ANK2: variants seen among roughly 807,000 people sequenced by gnomAD.
ANK2 encodes the protein ankyrin 2.
ANK2 carries 83 observed loss-of-function variants against 360.5 expected under a neutral mutation model. That is an observed-to-expected ratio of 0.23 (90% CI 0.19 to 0.28). ANK2 has a LOEUF of 0.28. Among genes scored for constraint, ANK2 ranks in the 10% least tolerant of loss-of-function variants. ANK2 has a pLI of 1.00. For synonymous variants in ANK2, 1,740 were observed against 1,759.5 expected (o/e 0.99, Z 0.28); for missense variants, 4,201 against 4,795.7 (o/e 0.88, Z 3.66).
chr4:113,252,024 G>A (rs1020887139), intron 10 of ANK2, among the ~76,000 whole-genome samples: 1 of 152,092 alleles, frequency 6.6e-6, no homozygotes, highest in African/African-American at 2.4e-5. Context: ...CTTGAGATGA[G>A]ACTGGGCAAT....
intron 2 of ANK2, among the ~76,000 whole-genome samples, chr4:113,012,687 T>G (rs184948483): frequency 1.4e-3 from 220 of 152,304 alleles, no homozygotes; most frequent in Non-Finnish European, 2.6e-3. Context: ...TGTGTAAAAC[T>G]TTAGCTATAA....
rs189002032 is a variant in ANK2, at chr4:113,015,676, T to C, written c.21+111162T>C. Among the ~76,000 whole-genome samples the C allele has an allele frequency of 3.3e-5, 5 of 152,374 alleles. No individual in the cohort carries two copies. The East Asian group carries it at 9.6e-4, about 29-fold the overall frequency. ...GTGGTCTAATGATTATTGTTACATA[T>C]GGTGCCATTTCACAAGGTAATTTAA... On this transcript the variant is annotated intron_variant, in intron 2 of 30. Transcript: ENST00000503271.
At chr4:113,274,895 C>T (rs2059683797) in intron 15 of ANK2, among the ~76,000 whole-genome samples, 1 of 152,136 alleles carries the variant, frequency 6.6e-6, no homozygotes. Flanking sequence ...ATCTAGTACT[C>T]TAAGATGATT....
intron 2 of ANK2, among the ~76,000 whole-genome samples, chr4:112,911,034 T>A (rs2087049856): frequency 6.7e-6 from 1 of 148,572 alleles, no homozygotes; most frequent in Non-Finnish European, 1.5e-5. Flanking sequence ...CTCAGCTCAC[T>A]GCAACGTCCG....
chr4:112,893,666 A>T (rs2080855182), intron 1 of ANK2, among the ~76,000 whole-genome samples: 1 of 152,052 alleles, frequency 6.6e-6, no homozygotes, highest in Admixed American at 6.6e-5. Flanking sequence ...CTTTTTAGAG[A>T]TGGGGGAAAC....
intron 1 of ANK2, among the ~76,000 whole-genome samples, chr4:112,857,138 T>G (rs967491612): frequency 1.3e-5 from 2 of 152,168 alleles, no homozygotes; most frequent in African/African-American, 4.8e-5. Context: ...AAGATGAGGC[T>G]TAGTTGAGAA....
chr4:112,774,773 A>G, the ANK2 span, among the ~76,000 whole-genome samples: 1 of 152,224 alleles, frequency 6.6e-6, no homozygotes, highest in African/African-American at 2.4e-5. Flanking sequence ...TGAGACCACC[A>G]CATCATTTAA....
the ANK2 span, among the ~76,000 whole-genome samples, chr4:112,729,803 C>T: frequency 1.3e-5 from 2 of 150,526 alleles, no homozygotes; most frequent in Admixed American, 1.3e-4. Flanking sequence ...GGTATATATG[C>T]ACAACTACTC....
At chr4:112,862,282 T>C (rs986743847) in intron 1 of ANK2, among the ~76,000 whole-genome samples, 2 of 152,260 alleles carry the variant, frequency 1.3e-5, no homozygotes, top group African/African-American at 4.8e-5. Flanking sequence ...ACAATATCTT[T>C]CCTTAAAGTA....
At chr4:113,239,465 G>A (rs1057274767) in intron 7 of ANK2, among the ~76,000 whole-genome samples, 1 of 152,094 alleles carries the variant, frequency 6.6e-6, no homozygotes, top group Non-Finnish European at 1.5e-5. Flanking sequence ...GCAATACCAA[G>A]TAACCCAAAA....
rs530088742 is a variant in ANK2 at position 112,957,649 on chromosome 4, C to A, written c.21+53135C>A. ...GCGGCTGGCCGGGCGGGGGGCTGAC[C>A]CCCCCACCTCCCTCCCGGACGGGGC... is the stretch of plus-strand genomic sequence containing the variant. On this transcript the variant is annotated intron_variant, in intron 2 of 30. Transcript: ENST00000503271. Among the ~76,000 whole-genome samples the A allele has an allele frequency of 5.7e-4, 85 of 149,218 alleles. No individual in the cohort carries two copies. In the South Asian group the frequency reaches 8.3e-3, roughly 15 times the overall value.
chr4:112,717,846 A>G, the ANK2 span, among the ~76,000 whole-genome samples: 2 of 152,218 alleles, frequency 1.3e-5, no homozygotes, highest in Admixed American at 6.5e-5. Context: ...TATTGACTAA[A>G]TTAGACTTCT....
In ANK2 at chr4:113,354,720, G is replaced by T. The variant is rs757998275; in HGVS notation, c.6102G>T (p.Gly2034=). The change falls in exon 38 of 46, where the codon GGG becomes GGT. Residue 2034 remains glycine (G), a synonymous_variant. Coordinates refer to ENST00000357077, the MANE Select transcript of ANK2 (RefSeq NM_001148.6). Reference sequence around the variant, plus strand: ...AAGTTCGGGTAGAAAAAGAAAAGGGGCCGATACTAACCCAGAGAGAAGCTC... The same window carrying T: ...AAGTTCGGGTAGAAAAAGAAAAGGGTCCGATACTAACCCAGAGAGAAGCTC... ...KGKVRVEKEK[G]PILTQREAQK... The T allele has an allele frequency of 1.1e-5, 18 of 1,613,708 alleles. No individual in the cohort carries two copies. The Admixed American group carries it at 2.7e-4, about 24-fold the overall frequency.
chr4:113,020,434 TA>T (rs1265304405), intron 2 of ANK2, among the ~76,000 whole-genome samples: 1 of 152,144 alleles, frequency 6.6e-6, no homozygotes, highest in Non-Finnish European at 1.5e-5. Flanking sequence ...GGGCTCAAGC[TA>T]TCTCCCCACT....
chr4:113,045,568 G>A (rs1052934509), upstream of ANK2, among the ~76,000 whole-genome samples: 5 of 152,150 alleles, frequency 3.3e-5, no homozygotes, highest in African/African-American at 7.2e-5. Context: ...TGAGAATCCC[G>A]TAAAGTCACT....
chr4:112,770,106 T>C, the ANK2 span, among the ~76,000 whole-genome samples: 1 of 152,210 alleles, frequency 6.6e-6, no homozygotes, highest in Non-Finnish European at 1.5e-5. Flanking sequence ...CTAATACAGC[T>C]CTCCTGGATT....
chr4:112,748,726 G>T, the ANK2 span, among the ~76,000 whole-genome samples: 1 of 152,126 alleles, frequency 6.6e-6, no homozygotes, highest in African/African-American at 2.4e-5. Context: ...GTCCCCTGAG[G>T]CAAGGCAATT....
At chr4:113,265,207 A>G (rs1027857746) in intron 14 of ANK2, among the ~76,000 whole-genome samples, 3 of 152,240 alleles carry the variant, frequency 2.0e-5, no homozygotes, top group Non-Finnish European at 4.4e-5. Context: ...AAACATTAAC[A>G]TTTGAAAAAA....
intron 1 of ANK2, among the ~76,000 whole-genome samples, chr4:112,842,723 G>T (rs1037685880): frequency 2.6e-5 from 4 of 152,148 alleles, no homozygotes; most frequent in African/African-American, 7.2e-5. Context: ...CCTGCTGTGC[G>T]GCCCGCTTCC....
Sources: allele counts gnomAD v4.1 joint callset (sites outside exome capture counted in the v4.1 genomes callset), GRCh38; gene constraint gnomAD v4.1.1; transcripts MANE v1.5; gene names NCBI Gene and HGNC (gene_info 2026-07-23, HGNC 2026-07-21).